FGD4: variants seen among roughly 807,000 people sequenced by gnomAD.
FGD4 encodes FYVE, RhoGEF and PH domain containing 4.
A neutral mutation model predicts 102.0 loss-of-function variants in FGD4; 42 were observed. The ratio of observed to expected loss-of-function variants is 0.41; its 90% CI spans 0.32 to 0.53. The LOEUF is 0.53. FGD4 is among the 20% of genes least tolerant of loss of function. The pLI, the probability that FGD4 is intolerant of heterozygous loss-of-function variation, is 0.21. For missense variants in FGD4, 902 were observed against 1,078.2 expected, an observed-to-expected ratio of 0.84 and a Z score of 2.29; for synonymous variants, 380 against 375.7, an observed-to-expected ratio of 1.01 and a Z score of -0.13.
intron 1 of FGD4, among the ~76,000 whole-genome samples, chr12:32,448,400 G>A (rs1296582857): frequency 6.6e-6 from 1 of 152,168 alleles, no homozygotes; most frequent in Non-Finnish European, 1.5e-5. Context: ...GCTCACCCCT[G>A]TAATCCTAGC....
chr12:32,499,587 G>C (rs1938037800), intron 1 of FGD4, among the ~76,000 whole-genome samples: 1 of 152,202 alleles, frequency 6.6e-6, no homozygotes, highest in South Asian at 2.1e-4. Flanking sequence ...ATATGTATAA[G>C]AGGAGTAAAT....
intron 4 of FGD4, among the ~76,000 whole-genome samples, chr12:32,584,986 C>T (rs1371128525): frequency 6.6e-6 from 1 of 151,618 alleles, no homozygotes; most frequent in Non-Finnish European, 1.5e-5. Flanking sequence ...TTTGGAAGGC[C>T]GAGGTGGGTG....
chr12:32,596,584 T>TG (rs1015707754), intron 4 of FGD4, among the ~76,000 whole-genome samples: 1 of 150,258 alleles, frequency 6.7e-6, no homozygotes, highest in Non-Finnish European at 1.5e-5. Context: ...AATGGAAAGT[T>TG]TTTTTTTTTT....
At chr12:32,531,513 G>A (rs538758920) in intron 1 of FGD4, among the ~76,000 whole-genome samples, 3 of 152,236 alleles carry the variant, frequency 2.0e-5, no homozygotes, top group African/African-American at 4.8e-5. Flanking sequence ...TACTATTCCT[G>A]TAAGTTTGTC....
intron 1 of FGD4, among the ~76,000 whole-genome samples, chr12:32,474,078 ACT>A (rs1426364274): frequency 4.7e-5 from 7 of 150,186 alleles, no homozygotes; most frequent in East Asian, 2.0e-4. Flanking sequence ...ACAGTGCGAG[ACT>A]CTGTCTCAAA....
intron 1 of FGD4, among the ~76,000 whole-genome samples, chr12:32,525,114 A>G (rs1941007214): frequency 6.6e-6 from 1 of 152,142 alleles, no homozygotes; most frequent in Admixed American, 6.5e-5. Context: ...TCCCCACCAG[A>G]GGTATCTGCC....
intron 8 of FGD4, 117 bp downstream of exon 8, chr12:32,608,212 A>G: frequency 1.4e-6 from 2 of 1,385,384 alleles, no homozygotes; most frequent in Non-Finnish European, 2.0e-6. Context: ...TGCTGTTAGA[A>G]GATAATTTCA....
At chr12:32,484,892 A>G (rs1404037893) in intron 1 of FGD4, among the ~76,000 whole-genome samples, 1 of 152,102 alleles carries the variant, frequency 6.6e-6, no homozygotes, top group East Asian at 1.9e-4. Context: ...CAAAATAAAA[A>G]TAAAAAATCC....
chr12:32,453,478 C>T (rs1415776764), intron 1 of FGD4, among the ~76,000 whole-genome samples: 1 of 151,722 alleles, frequency 6.6e-6, no homozygotes, highest in East Asian at 1.9e-4. Flanking sequence ...AAGTGATCCA[C>T]CTGCCTCGGC....
chr12:32,630,447 A>G (rs1225825532), intron 14 of FGD4, among the ~76,000 whole-genome samples: 1 of 152,168 alleles, frequency 6.6e-6, no homozygotes, highest in Non-Finnish European at 1.5e-5. Context: ...AGGGAGGTTG[A>G]GGCAGGAGGA....
intron 1 of FGD4, among the ~76,000 whole-genome samples, chr12:32,509,225 T>C (rs1939104298): frequency 6.7e-6 from 1 of 149,914 alleles, no homozygotes; most frequent in South Asian, 2.1e-4. Flanking sequence ...AATTCTATGT[T>C]CTTAACTTTT....
Position 32,619,803 on chromosome 12 carries a change from C to T in FGD4, c.1855C>T (p.Gln619Ter). The T allele has an allele frequency of 6.2e-7, 1 of 1,614,124 alleles. No individual in the cohort carries two copies. Among genetic ancestry groups the T allele is most frequent in the Non-Finnish European group, 8.5e-7 (1 of 1,180,024 alleles). Residue 619 changes from glutamine (Q) to a stop codon, truncating the protein, a stop_gained, in exon 11 of 17, where the codon CAA becomes TAA. Coordinates refer to ENST00000534526, the MANE Select transcript of FGD4 (RefSeq NM_001370298.3). LOFTEE classifies it high-confidence loss of function. ...GIDGMKIVET[Q>*]NEEYPHTFQV... ...TGATGGAATGAAAATTGTAGAGACT[C>T]AAAATGAAGAATATCCACATACTTT...
intron 1 of FGD4, among the ~76,000 whole-genome samples, chr12:32,480,665 TA>T (rs924334360): frequency 6.6e-6 from 1 of 150,942 alleles, no homozygotes; most frequent in African/African-American, 2.4e-5. Flanking sequence ...CATGGCCAGC[TA>T]ATTTTTGTAT....
chr12:32,533,487 G>A (rs757996358), intron 1 of FGD4, among the ~76,000 whole-genome samples: 11 of 152,112 alleles, frequency 7.2e-5, no homozygotes, highest in Admixed American at 2.0e-4. Flanking sequence ...GTGCAGCGGC[G>A]CAATCTCAGC....
intron 1 of FGD4, among the ~76,000 whole-genome samples, chr12:32,447,765 G>A (rs1236455408): frequency 6.6e-6 from 1 of 152,198 alleles, no homozygotes; most frequent in Non-Finnish European, 1.5e-5. Flanking sequence ...GGCAAGGTTT[G>A]AAACATACAA....
At chr12:32,574,589 A>G (rs541749018) in intron 2 of FGD4, 2 of 152,214 alleles carry the variant, frequency 1.3e-5, no homozygotes, top group Non-Finnish European at 2.9e-5. Flanking sequence ...CAAAAGAAGC[A>G]TGCCATTTTT....
rs773569669 is a variant in FGD4, at chr12:32,582,365, C to G, written c.909C>G (p.Pro303=). 24 of 1,613,944 alleles carry G rather than the reference C, an allele frequency of 1.5e-5. No individual in the cohort carries two copies. The East Asian group carries it at 4.2e-4, about 28-fold the overall frequency. Residue 303 remains proline, a synonymous_variant, in exon 4 of 17, where the codon CCC becomes CCG. Coordinates refer to ENST00000534526, the MANE Select transcript of FGD4 (RefSeq NM_001370298.3). The part of the protein sequence containing the change: ...YRTPGIGPVL[P]LEERGAETET... ...CTCCAGGCATAGGCCCAGTGCTCCCCCTAGAAGAAAGAGGGGCAGAAACAG... is the reference window on the plus strand; with the variant it reads ...CTCCAGGCATAGGCCCAGTGCTCCCGCTAGAAGAAAGAGGGGCAGAAACAG...
chr12:32,511,594 G>A (rs912179354), intron 1 of FGD4, among the ~76,000 whole-genome samples: 8 of 152,124 alleles, frequency 5.3e-5, no homozygotes, highest in Middle Eastern at 3.4e-3. Context: ...GAGCCACCGC[G>A]CCCGGCCTGA....
intron 3 of FGD4, among the ~76,000 whole-genome samples, chr12:32,581,098 A>T (rs1202023355): frequency 2.0e-5 from 3 of 152,228 alleles, no homozygotes; most frequent in Non-Finnish European, 4.4e-5. Context: ...ATACCTGAAC[A>T]GAACCCCGAA....
Sources: allele counts gnomAD v4.1 joint callset (sites outside exome capture counted in the v4.1 genomes callset), GRCh38; gene constraint gnomAD v4.1.1; transcripts MANE v1.5; gene names NCBI Gene and HGNC (gene_info 2026-07-23, HGNC 2026-07-21).